The following PACRG variants were observed in gnomAD, a reference collection of about 807,000 sequenced individuals.
PACRG encodes parkin coregulated gene protein.
PACRG carries 29 observed loss-of-function variants against 29.7 expected under a neutral mutation model. The ratio of observed to expected loss-of-function variants is 0.98; its 90% CI spans 0.73 to 1.33. The LOEUF (loss-of-function observed/expected upper bound fraction) is 1.33. PACRG is among the 40% of genes most tolerant of loss of function. PACRG has a pLI of 0.00. For missense variants in PACRG, 279 were observed against 316.2 expected, an observed-to-expected ratio of 0.88 and a Z score of 0.89; for synonymous variants, 116 against 118.7, an observed-to-expected ratio of 0.98 and a Z score of 0.15.
rs148140118 is a variant in PACRG at position 162,883,712 on chromosome 6, G to GTGTGTGTGTGTGTA, written c.291+69434_291+69435insGTGTGTGTGTATGT. Reference sequence around the variant, plus strand: ...TGTGTGTGTGTGTGTGTGTGTGTGTGTGTATGTATGTATATATCTGCATAC... The same window carrying GTGTGTGTGTGTGTA: ...TGTGTGTGTGTGTGTGTGTGTGTGTGTGTGTGTGTGTGTATGTATGTATGTATATATCTGCATAC... On this transcript the variant is annotated intron_variant, in intron 2 of 4. Transcript: ENST00000366888. Among the ~76,000 whole-genome samples the GTGTGTGTGTGTGTA allele has an allele frequency of 3.3e-3, 497 of 149,962 alleles. 2 individuals are homozygous for GTGTGTGTGTGTGTA. The highest frequency in any genetic ancestry group is 0.014 in the South Asian group (67 of 4,716).
chr6:162,738,837 T>G (rs1346066631), intron 1 of PACRG, among the ~76,000 whole-genome samples: 1 of 152,200 alleles, frequency 6.6e-6, no homozygotes, highest in Non-Finnish European at 1.5e-5. Context: ...TGTTAAATGG[T>G]GGTTCTCCAG....
chr6:162,947,377 C>T (rs1202042064), intron 2 of PACRG, among the ~76,000 whole-genome samples: 2 of 20,946 alleles, frequency 9.5e-5, no homozygotes, highest in African/African-American at 2.1e-4. Flanking sequence ...CATATATAAT[C>T]ATATATATAA....
intron 2 of PACRG, among the ~76,000 whole-genome samples, chr6:162,968,809 G>T (rs1390671925): frequency 6.6e-6 from 1 of 152,242 alleles, no homozygotes; most frequent in East Asian, 1.9e-4. Flanking sequence ...AGCACTTTGG[G>T]AGGCTGAGGT....
intron 4 of PACRG, among the ~76,000 whole-genome samples, chr6:163,135,906 T>C (rs184362255): frequency 4.1e-3 from 622 of 152,356 alleles, no homozygotes; most frequent in Middle Eastern, 0.01. Flanking sequence ...TCTTTTCTTG[T>C]ATTAATCAAG....
At chr6:163,137,114 T>C (rs548294265) in intron 4 of PACRG, among the ~76,000 whole-genome samples, 39 of 152,318 alleles carry the variant, frequency 2.6e-4, no homozygotes, top group African/African-American at 8.9e-4. Context: ...TTTTGAAACA[T>C]GAAATAGGCG....
chr6:163,084,585 T>C (rs1033489489), intron 3 of PACRG, among the ~76,000 whole-genome samples: 7 of 152,128 alleles, frequency 4.6e-5, no homozygotes, highest in African/African-American at 7.2e-5. Flanking sequence ...TAGAGCTCCA[T>C]TTTAGATGCC....
At chr6:162,748,465 C>G (rs1190440974) in intron 1 of PACRG, among the ~76,000 whole-genome samples, 1 of 152,138 alleles carries the variant, frequency 6.6e-6, no homozygotes, top group East Asian at 1.9e-4. Flanking sequence ...TGCACTCCAG[C>G]CTGCGCGACA....
rs370006218 is a variant in PACRG at position 162,869,319 on chromosome 6, C to T, written c.291+55038C>T. Among the ~76,000 whole-genome samples the T allele has an allele frequency of 6.6e-5, 10 of 152,050 alleles. No homozygotes were observed. In the East Asian group the frequency reaches 1.4e-3, roughly 21 times the overall value. On this transcript the variant is annotated intron_variant, in intron 2 of 4. Coordinates refer to ENST00000366888, the MANE Select transcript of PACRG (RefSeq NM_001080379.2). ...TTATCCCAGTAGAATACCTTGTCTG[C>T]AAAAGGCTGAAATTTATTATTTGGG...
At chr6:162,937,532 G>A (rs550064943) in intron 2 of PACRG, among the ~76,000 whole-genome samples, 2 of 152,128 alleles carry the variant, frequency 1.3e-5, no homozygotes, top group South Asian at 2.1e-4. Context: ...TCTATGTCTC[G>A]GGTGTTACTT....
chr6:162,871,748 C>G (rs932207396), intron 2 of PACRG, among the ~76,000 whole-genome samples: 17 of 151,932 alleles, frequency 1.1e-4, no homozygotes, highest in Non-Finnish European at 1.5e-4. Flanking sequence ...GAAACCCTGT[C>G]TCTACTAAAA....
At chr6:163,121,038 C>T (rs536881824) in intron 4 of PACRG, among the ~76,000 whole-genome samples, 1 of 152,286 alleles carries the variant, frequency 6.6e-6, no homozygotes, top group East Asian at 1.9e-4. Flanking sequence ...CTTCCATTTT[C>T]TATGGTCAAA....
At chr6:162,925,405 A>G (rs1435023038) in intron 2 of PACRG, among the ~76,000 whole-genome samples, 2 of 152,212 alleles carry the variant, frequency 1.3e-5, no homozygotes, top group African/African-American at 4.8e-5. Flanking sequence ...CGTTACTACA[A>G]AAATCTTCAA....
At chr6:163,089,102 G>A (rs918041246) in intron 3 of PACRG, among the ~76,000 whole-genome samples, 157 bp from the exon 4 acceptor site, 4 of 152,196 alleles carry the variant, frequency 2.6e-5, no homozygotes, top group African/African-American at 9.6e-5. Context: ...CATTAGGGTT[G>A]CAATGTGTCA....
intron 4 of PACRG, among the ~76,000 whole-genome samples, chr6:163,274,301 G>C (rs543268261): frequency 6.6e-6 from 1 of 152,100 alleles, no homozygotes; most frequent in Admixed American, 6.6e-5. Flanking sequence ...TTGTCCTTGC[G>C]ATAGTTTGCT....
intron 2 of PACRG, among the ~76,000 whole-genome samples, chr6:162,950,098 C>T (rs542089010): frequency 1.1e-4 from 17 of 151,998 alleles, no homozygotes; most frequent in African/African-American, 3.6e-4. Context: ...ATTATGAATC[C>T]TTGTGAAAAA....
chr6:162,955,444 C>T (rs1434396233), intron 2 of PACRG, among the ~76,000 whole-genome samples: 2 of 152,008 alleles, frequency 1.3e-5, no homozygotes, highest in East Asian at 3.9e-4. Context: ...GGATTACAGG[C>T]ACCTGCCACC....
chr6:163,161,743 G>A (rs1043749402), intron 4 of PACRG, among the ~76,000 whole-genome samples: 1 of 152,148 alleles, frequency 6.6e-6, no homozygotes, highest in Non-Finnish European at 1.5e-5. Context: ...TTTTACGTTT[G>A]GGTGTCCTCT....
chr6:163,249,702 G>A (rs1407524912), intron 4 of PACRG, among the ~76,000 whole-genome samples: 1 of 152,206 alleles, frequency 6.6e-6, no homozygotes, highest in Non-Finnish European at 1.5e-5. Context: ...AAGTTTCTGT[G>A]GTTTCCTGGC....
chr6:162,968,611 G>A (rs924209496), intron 2 of PACRG, among the ~76,000 whole-genome samples: 3 of 152,120 alleles, frequency 2.0e-5, no homozygotes, highest in South Asian at 2.1e-4. Context: ...ATGTTCCAGC[G>A]TGACAGAAGC....
Sources: gnomAD v4.1 joint callset for allele counts (sites outside exome capture counted in the v4.1 genomes callset) on GRCh38, gnomAD v4.1.1 for gene constraint, MANE v1.5 for transcripts, NCBI Gene and HGNC (gene_info 2026-07-23, HGNC 2026-07-21) for gene names.